Variants in CCSER1 observed in about 807,000 individuals in gnomAD.
CCSER1 encodes the protein coiled-coil serine rich protein 1, also known as serine-rich coiled-coil domain-containing protein 1.
CCSER1 carries 41 observed loss-of-function variants against 82.0 expected under a neutral mutation model. The ratio of observed to expected loss-of-function variants is 0.50; its 90% CI spans 0.39 to 0.65. CCSER1 has a LOEUF of 0.65. Among genes scored for constraint, CCSER1 ranks in the 30% least tolerant of loss-of-function variants. The pLI is 0.00. For synonymous variants in CCSER1, 414 were observed against 383.9 expected (o/e 1.08, Z -0.92); for missense variants, 1,119 against 1,064.2 (o/e 1.05, Z -0.72).
intron 10 of CCSER1, among the ~76,000 whole-genome samples, chr4:91,102,939 T>G (rs528228532): frequency 6.6e-6 from 1 of 152,374 alleles, no homozygotes; most frequent in Admixed American, 6.5e-5. Context: ...ACATTTTCAT[T>G]ATTTGATACT....
chr4:90,145,710 T>C (rs1232430258), intron 1 of CCSER1, among the ~76,000 whole-genome samples: 1 of 152,120 alleles, frequency 6.6e-6, no homozygotes, highest in African/African-American at 2.4e-5. Context: ...GTGAAGTGTT[T>C]TGTAATCAAA....
intron 6 of CCSER1, among the ~76,000 whole-genome samples, chr4:90,697,924 A>G (rs1035086182): frequency 6.6e-6 from 1 of 152,158 alleles, no homozygotes; most frequent in Non-Finnish European, 1.5e-5. Context: ...AAGAGCTTCA[A>G]AGAGGTGCAG....
chr4:90,933,906 T>G (rs963514576), intron 9 of CCSER1, among the ~76,000 whole-genome samples: 2 of 151,814 alleles, frequency 1.3e-5, no homozygotes, highest in African/African-American at 4.8e-5. Flanking sequence ...ATTTTAAACA[T>G]TTTTTACATT....
At chr4:91,237,005 G>T (rs1739060030) in intron 10 of CCSER1, among the ~76,000 whole-genome samples, 1 of 152,074 alleles carries the variant, frequency 6.6e-6, no homozygotes, top group Non-Finnish European at 1.5e-5. Context: ...CTTTATTCTG[G>T]AATATTTTTA....
chr4:90,453,990 A>T (rs1289710226), intron 4 of CCSER1, among the ~76,000 whole-genome samples: 1 of 152,150 alleles, frequency 6.6e-6, no homozygotes. Flanking sequence ...CTGCTGGACC[A>T]CTTGAGAGAC....
intron 5 of CCSER1, among the ~76,000 whole-genome samples, chr4:90,548,525 A>G (rs1777063698): frequency 6.6e-6 from 1 of 152,068 alleles, no homozygotes; most frequent in African/African-American, 2.4e-5. Flanking sequence ...GCTAGAGAAC[A>G]GATACACCAA....
At chr4:91,013,785 T>A (rs1739204047) in intron 9 of CCSER1, among the ~76,000 whole-genome samples, 1 of 127,666 alleles carries the variant, frequency 7.8e-6, no homozygotes, top group East Asian at 2.5e-4. Flanking sequence ...TTGTATTTTT[T>A]TTTTTTTTTG....
intron 6 of CCSER1, among the ~76,000 whole-genome samples, chr4:90,661,212 T>A (rs1399654207): frequency 6.6e-6 from 1 of 152,184 alleles, no homozygotes; most frequent in African/African-American, 2.4e-5. Context: ...TTGAGGTTGG[T>A]TTTTAACTGT....
intron 10 of CCSER1, among the ~76,000 whole-genome samples, chr4:91,377,084 A>C (rs185772729): frequency 0.02 from 2,992 of 152,052 alleles, 77 homozygotes; most frequent in African/African-American, 0.067. Flanking sequence ...TGAACTCATC[A>C]TTTTTTATGG....
chr4:90,911,875 C>A (rs1469447359), intron 8 of CCSER1, among the ~76,000 whole-genome samples: 3 of 152,194 alleles, frequency 2.0e-5, no homozygotes, highest in Non-Finnish European at 2.9e-5. Context: ...TAGAGCCTCG[C>A]TCATTGCTAG....
At chr4:91,393,514 C>T (rs1302820265) in intron 10 of CCSER1, among the ~76,000 whole-genome samples, 1 of 151,986 alleles carries the variant, frequency 6.6e-6, no homozygotes, top group Middle Eastern at 3.2e-3. Flanking sequence ...TTTTATGAAA[C>T]TGAATTCAGA....
chr4:90,492,966 G>A (rs1307387798), intron 5 of CCSER1, among the ~76,000 whole-genome samples: 3 of 152,078 alleles, frequency 2.0e-5, no homozygotes, highest in South Asian at 2.1e-4. Context: ...AAACTTCTCC[G>A]AGCTAAAGGA....
intron 9 of CCSER1, among the ~76,000 whole-genome samples, chr4:90,996,545 G>A (rs1737510028): frequency 6.6e-6 from 1 of 152,206 alleles, no homozygotes; most frequent in Non-Finnish European, 1.5e-5. Flanking sequence ...TAATTGATTA[G>A]CTGAGGGAGA....
At chr4:91,040,743 G>A (rs1004452155) in intron 9 of CCSER1, among the ~76,000 whole-genome samples, 64 of 152,288 alleles carry the variant, frequency 4.2e-4, no homozygotes, top group African/African-American at 1.3e-3. Flanking sequence ...TGTCCTGGGA[G>A]AAACAGATAA....
chr4:90,949,934 G>C (rs1251138832), intron 9 of CCSER1, among the ~76,000 whole-genome samples: 1 of 152,104 alleles, frequency 6.6e-6, no homozygotes, highest in Non-Finnish European at 1.5e-5. Flanking sequence ...CTTGCCTGCT[G>C]TCACAATAAG....
chr4:91,191,618 C>T lies in CCSER1; in HGVS notation c.2217+105624C>T, dbSNP rs554429365. 2.1e-3 allele frequency among the ~76,000 whole-genome samples: 320 copies of T among 152,192 alleles called. 2 individuals are homozygous for T. The highest frequency in any genetic ancestry group is 7.5e-3 in the African/African-American group (311 of 41,528). ...TCTCCATCAATCTGATGTACATTTT[C>T]CAGAGACACAGTCGGTTCCAAGGCA... On this transcript the variant is annotated intron_variant, in intron 10 of 10. Transcript: ENST00000509176.
chr4:91,038,471 TA>T lies in CCSER1; in HGVS notation c.2173-47475del, dbSNP rs562853422. On this transcript the variant is annotated intron_variant, in intron 9 of 10. Coordinates refer to ENST00000509176, the MANE Select transcript of CCSER1 (RefSeq NM_001145065.2). ...AATAAAAAGATTCATGTGAAAACAG[TA>T]AAATTCTTAAAAATATACCCTTGGT... 1.1e-4 allele frequency among the ~76,000 whole-genome samples: 16 copies of T among 152,248 alleles called. 1 individual carries two copies. The South Asian group carries it at 3.3e-3, about 32-fold the overall frequency.
At chr4:90,566,504 A>T (rs1779397562) in intron 5 of CCSER1, among the ~76,000 whole-genome samples, 1 of 149,480 alleles carries the variant, frequency 6.7e-6, no homozygotes, top group African/African-American at 2.5e-5. Context: ...CACTGATTTG[A>T]TCTCCTTACT....
intron 10 of CCSER1, among the ~76,000 whole-genome samples, chr4:91,368,903 A>G (rs1749827233): frequency 1.3e-5 from 2 of 152,196 alleles, no homozygotes; most frequent in Admixed American, 6.5e-5. Flanking sequence ...CTTGAAATGA[A>G]AAGGAAGCAT....
Sources: gnomAD v4.1 joint callset for allele counts (sites outside exome capture counted in the v4.1 genomes callset) on GRCh38, gnomAD v4.1.1 for gene constraint, MANE v1.5 for transcripts, NCBI Gene and HGNC (gene_info 2026-07-23, HGNC 2026-07-21) for gene names.